DCC: variants seen among roughly 807,000 people sequenced by gnomAD.
DCC encodes the protein netrin receptor DCC.
In DCC, 58 loss-of-function variants were observed where a neutral mutation model predicts 172.5. The ratio of observed to expected loss-of-function variants is 0.34; its 90% CI spans 0.27 to 0.42. The LOEUF is 0.42. Ranked by LOEUF, DCC falls within the 10% of genes least tolerant of loss-of-function variation. The pLI, the probability that DCC is intolerant of heterozygous loss-of-function variation, is 1.00. For missense variants in DCC, 1,740 were observed against 1,791.0 expected (o/e 0.97, Z 0.51); for synonymous variants, 709 against 644.5 (o/e 1.10, Z -1.52).
chr18:52,342,037 C>T (rs955566112), intron 1 of DCC, among the ~76,000 whole-genome samples: 3 of 152,192 alleles, frequency 2.0e-5, no homozygotes, highest in Admixed American at 6.5e-5. Flanking sequence ...TCCCCGGAGT[C>T]CGCAGCTCCG....
chr18:52,892,906 A>G (rs1183100018), intron 2 of DCC, among the ~76,000 whole-genome samples: 1 of 152,192 alleles, frequency 6.6e-6, no homozygotes, highest in East Asian at 1.9e-4. Context: ...AATTATATAG[A>G]TTTACCAGAA....
At chr18:52,542,483 A>T (rs1279332879) in intron 1 of DCC, among the ~76,000 whole-genome samples, 1 of 152,146 alleles carries the variant, frequency 6.6e-6, no homozygotes. Context: ...ACCATCAAAC[A>T]TTGTAATGAA....
intron 22 of DCC, among the ~76,000 whole-genome samples, chr18:53,445,160 T>C (rs1242638154): frequency 1.3e-5 from 2 of 152,294 alleles, no homozygotes; most frequent in East Asian, 1.9e-4. Context: ...TATCTGTGAG[T>C]TGTCTTCCAG....
chr18:53,402,609 A>G (rs1295038666), intron 18 of DCC, among the ~76,000 whole-genome samples, 177 bp from the exon 19 acceptor site: 2 of 152,118 alleles, frequency 1.3e-5, no homozygotes, highest in Non-Finnish European at 2.9e-5. Context: ...CATAAAAATT[A>G]TTAATTTTTG....
intron 1 of DCC, among the ~76,000 whole-genome samples, chr18:52,674,876 C>T (rs2035622742): frequency 1.3e-5 from 2 of 152,186 alleles, no homozygotes; most frequent in African/African-American, 4.8e-5. Context: ...AGACATGCCT[C>T]ATTTTACCTC....
chr18:53,101,393 T>C (rs1359965236), intron 7 of DCC, among the ~76,000 whole-genome samples: 1 of 152,052 alleles, frequency 6.6e-6, no homozygotes, highest in African/African-American at 2.4e-5. Flanking sequence ...AAATATTTCA[T>C]GGGCTGAAAT....
At chr18:53,446,253 T>G (rs777994189) in intron 22 of DCC, among the ~76,000 whole-genome samples, 35 of 152,182 alleles carry the variant, frequency 2.3e-4, no homozygotes, top group Non-Finnish European at 4.6e-4. Context: ...GCCACTGCAC[T>G]CCAGCAGTAG....
intron 2 of DCC, among the ~76,000 whole-genome samples, chr18:52,800,526 G>T (rs575630786): frequency 6.6e-6 from 1 of 152,260 alleles, no homozygotes; most frequent in South Asian, 2.1e-4. Flanking sequence ...ATGATAATAT[G>T]TCTGGCAGTA....
intron 1 of DCC, among the ~76,000 whole-genome samples, chr18:52,432,497 G>C (rs1044267816): frequency 1.3e-5 from 2 of 152,116 alleles, no homozygotes; most frequent in East Asian, 3.9e-4. Context: ...TTCGTGCAAG[G>C]GAGTGGTTCT....
At chr18:53,177,956 T>C (rs1198822219) in intron 8 of DCC, among the ~76,000 whole-genome samples, 1 of 152,210 alleles carries the variant, frequency 6.6e-6, no homozygotes, top group Non-Finnish European at 1.5e-5. Flanking sequence ...GAAAAAGATA[T>C]TTTATTTTAA....
intron 21 of DCC, among the ~76,000 whole-genome samples, chr18:53,417,132 G>C (rs1464780501): frequency 6.6e-6 from 1 of 152,196 alleles, no homozygotes; most frequent in Non-Finnish European, 1.5e-5. Context: ...CGTGAGATTA[G>C]GGGAATGCTT....
chr18:53,459,601 A>T, intron 24 of DCC, 143 bp downstream of exon 24: 1 of 685,302 alleles, frequency 1.5e-6, no homozygotes, highest in Admixed American at 2.1e-5. Context: ...ATCTAATATA[A>T]ATTTGGTTGA....
chr18:53,078,446 C>T (rs574163012), intron 7 of DCC, among the ~76,000 whole-genome samples: 10 of 152,102 alleles, frequency 6.6e-5, no homozygotes, highest in Non-Finnish European at 4.4e-5. Flanking sequence ...CAGTGCCTGA[C>T]ATACTATTTT....
At chr18:52,626,040 T>A (rs914328259) in intron 1 of DCC, among the ~76,000 whole-genome samples, 1 of 152,168 alleles carries the variant, frequency 6.6e-6, no homozygotes, top group Admixed American at 6.5e-5. Flanking sequence ...GTACATACTC[T>A]CTCTAAATGA....
intron 1 of DCC, among the ~76,000 whole-genome samples, chr18:52,735,851 T>C (rs976397182): frequency 6.6e-6 from 1 of 152,072 alleles, no homozygotes; most frequent in Non-Finnish European, 1.5e-5. Flanking sequence ...TTTGCATACT[T>C]CAATTCAATC....
At chr18:52,374,531 T>C (rs1985264382) in intron 1 of DCC, among the ~76,000 whole-genome samples, 1 of 152,092 alleles carries the variant, frequency 6.6e-6, no homozygotes. Flanking sequence ...TTCATGCATC[T>C]AAACAAAGAA....
intron 1 of DCC, among the ~76,000 whole-genome samples, chr18:52,471,529 A>C (rs918928708): frequency 6.6e-6 from 1 of 152,224 alleles, no homozygotes; most frequent in Admixed American, 6.5e-5. Flanking sequence ...AAATGAAAAC[A>C]ACAACAGAAA....
intron 8 of DCC, among the ~76,000 whole-genome samples, chr18:53,177,796 G>T (rs1039110448): frequency 6.6e-6 from 1 of 152,100 alleles, no homozygotes; most frequent in Non-Finnish European, 1.5e-5. Context: ...CGGAAAATAC[G>T]GTCTAGTACA....
chr18:53,102,629 G>C (rs1316817847), intron 7 of DCC, among the ~76,000 whole-genome samples: 4 of 152,042 alleles, frequency 2.6e-5, no homozygotes, highest in African/African-American at 9.7e-5. Flanking sequence ...GAAATCTAAA[G>C]GTCAGACCAC....
Sources: allele counts gnomAD v4.1 joint callset (sites outside exome capture counted in the v4.1 genomes callset), GRCh38; gene constraint gnomAD v4.1.1; transcripts MANE v1.5; gene names NCBI Gene and HGNC (gene_info 2026-07-23, HGNC 2026-07-21).